The following DGKI variants were observed in gnomAD, a reference collection of about 807,000 sequenced individuals.
DGKI encodes diacylglycerol kinase iota.
A neutral mutation model predicts 147.5 loss-of-function variants in DGKI; 55 were observed. That is an observed-to-expected ratio of 0.37 (90% CI 0.30 to 0.47). The LOEUF is 0.47. Among genes scored for constraint, DGKI ranks in the 20% least tolerant of loss-of-function variants. The probability of loss-of-function intolerance (pLI) is 1.00; values close to 1 mark genes in which losing one functional copy is unlikely to be tolerated. For missense variants in DGKI, 1,007 were observed against 1,323.8 expected, an observed-to-expected ratio of 0.76 and a Z score of 3.71; for synonymous variants, 469 against 477.1, an observed-to-expected ratio of 0.98 and a Z score of 0.22.
intron 19 of DGKI, among the ~76,000 whole-genome samples, chr7:137,566,578 A>G (rs1179276511): frequency 6.6e-6 from 1 of 152,308 alleles, no homozygotes; most frequent in African/African-American, 2.4e-5. Flanking sequence ...TCAATCATGC[A>G]TTTGATGCTA....
intron 1 of DGKI, among the ~76,000 whole-genome samples, chr7:137,781,548 G>A (rs1451489880): frequency 1.3e-5 from 2 of 152,192 alleles, no homozygotes; most frequent in Non-Finnish European, 2.9e-5. Context: ...AAGAAAAGGG[G>A]TGAAGGAATA....
intron 11 of DGKI, 135 bp from the exon 12 acceptor site, chr7:137,598,042 T>A: frequency 1.4e-6 from 1 of 707,804 alleles, no homozygotes; most frequent in Non-Finnish European, 2.4e-6. Context: ...ATGACAATGC[T>A]ATCATAGGTC....
chr7:137,824,315 G>A (rs1052843056), intron 1 of DGKI, among the ~76,000 whole-genome samples: 21 of 152,148 alleles, frequency 1.4e-4, no homozygotes, highest in African/African-American at 4.6e-4. Flanking sequence ...TCAGGAGTTC[G>A]AGACCAGCCT....
At chr7:137,667,286 C>G (rs1332435947) in intron 3 of DGKI, among the ~76,000 whole-genome samples, 1 of 152,074 alleles carries the variant, frequency 6.6e-6, no homozygotes, top group Non-Finnish European at 1.5e-5. Context: ...CATACACACC[C>G]ATGTGCATTC....
chr7:137,581,487 C>G (rs1206172190), intron 15 of DGKI, among the ~76,000 whole-genome samples: 1 of 152,066 alleles, frequency 6.6e-6, no homozygotes, highest in Non-Finnish European at 1.5e-5. Context: ...TAAAGAATAT[C>G]CTAGTGACTT....
intron 1 of DGKI, among the ~76,000 whole-genome samples, chr7:137,823,452 T>A (rs1354096636): frequency 6.6e-6 from 1 of 152,230 alleles, no homozygotes; most frequent in Admixed American, 6.5e-5. Context: ...ATGTACCCTC[T>A]GCAAAGAAGC....
chr7:137,409,218 T>C (rs1225458111), intron 29 of DGKI, among the ~76,000 whole-genome samples: 2 of 152,220 alleles, frequency 1.3e-5, no homozygotes, highest in Admixed American at 6.5e-5. Flanking sequence ...TCTATTAATA[T>C]GTATAATCAT....
intron 28 of DGKI, among the ~76,000 whole-genome samples, chr7:137,423,655 A>T (rs1157198480): frequency 6.6e-6 from 1 of 152,212 alleles, no homozygotes; most frequent in Non-Finnish European, 1.5e-5. Flanking sequence ...CCACTCTGTA[A>T]TATAAAGGCT....
At chr7:137,737,066 C>T (rs1236552844) in intron 1 of DGKI, among the ~76,000 whole-genome samples, 1 of 151,868 alleles carries the variant, frequency 6.6e-6, no homozygotes, top group Non-Finnish European at 1.5e-5. Context: ...TAAAGCTAAA[C>T]GTGATTGGAC....
chr7:137,503,389 C>T (rs1816252365), intron 21 of DGKI, among the ~76,000 whole-genome samples: 1 of 152,138 alleles, frequency 6.6e-6, no homozygotes, highest in South Asian at 2.1e-4. Context: ...ATTTCCAATA[C>T]TGAACTGAAG....
chr7:137,690,324 G>A (rs1249621179), intron 1 of DGKI, among the ~76,000 whole-genome samples: 1 of 151,874 alleles, frequency 6.6e-6, no homozygotes, highest in African/African-American at 2.4e-5. Flanking sequence ...AAAAGACCTA[G>A]GGTTTGGGCA....
intron 6 of DGKI, among the ~76,000 whole-genome samples, chr7:137,642,918 A>C (rs1821682132): frequency 7.3e-6 from 1 of 136,212 alleles, no homozygotes; most frequent in Non-Finnish European, 1.6e-5. Flanking sequence ...CCAATGAGTA[A>C]ATTATGGAAT....
chr7:137,386,235 C>A lies in DGKI; in HGVS notation c.*4985G>T, dbSNP rs1206201763. 6.6e-6 allele frequency: 1 copy of A among 152,028 alleles called. No individual in the cohort carries two copies. Among genetic ancestry groups the A allele is most frequent in the Admixed American group, 6.6e-5 (1 of 15,244 alleles). The allele number at this position is 152,028 out of a possible 1,614,324, so 9.4% of individuals were successfully genotyped here. On this transcript the variant is annotated 3_prime_UTR_variant, in exon 33 of 33. Transcript: ENST00000614521. ...GAGGAGGTTGTCCAAGGGCATGACT[C>A]TTTTCTTGGTTCTTATTTTCAGGTT... is the stretch of plus-strand genomic sequence containing the variant.
intron 12 of DGKI, among the ~76,000 whole-genome samples, chr7:137,596,030 A>AAAAAAG (rs1819784811): frequency 7.5e-6 from 1 of 132,880 alleles, no homozygotes; most frequent in African/African-American, 3.6e-5. Context: ...AAAAAAAAAA[A>AAAAAAG]AAAGAAAGAA....
intron 28 of DGKI, among the ~76,000 whole-genome samples, chr7:137,438,541 T>C (rs575844796): frequency 3.3e-5 from 5 of 152,292 alleles, no homozygotes; most frequent in African/African-American, 1.2e-4. Flanking sequence ...AAGTTAAATA[T>C]GTGTATAATC....
At chr7:137,705,912 A>G (rs2116535322) in intron 1 of DGKI, among the ~76,000 whole-genome samples, 1 of 152,236 alleles carries the variant, frequency 6.6e-6, no homozygotes, top group Admixed American at 6.5e-5. Context: ...GAGGAAAACA[A>G]TAAAACACTT....
intron 1 of DGKI, among the ~76,000 whole-genome samples, chr7:137,727,757 C>T (rs1183691731): frequency 6.6e-6 from 1 of 152,128 alleles, no homozygotes; most frequent in Non-Finnish European, 1.5e-5. Context: ...AATTTGAAAC[C>T]ATGAGAAAAA....
chr7:137,434,486 C>T (rs1813206968), intron 28 of DGKI, among the ~76,000 whole-genome samples: 1 of 152,118 alleles, frequency 6.6e-6, no homozygotes. Context: ...AAGGCTGAGA[C>T]AGGAGAATTG....
At chr7:137,782,115 G>A (rs183689021) in intron 1 of DGKI, among the ~76,000 whole-genome samples, 2 of 152,226 alleles carry the variant, frequency 1.3e-5, no homozygotes, top group Admixed American at 6.5e-5. Context: ...TAACGAACTA[G>A]ATCACCTCTG....
Sources: gnomAD v4.1 joint callset for allele counts (sites outside exome capture counted in the v4.1 genomes callset) on GRCh38, gnomAD v4.1.1 for gene constraint, MANE v1.5 for transcripts, NCBI Gene and HGNC (gene_info 2026-07-23, HGNC 2026-07-21) for gene names.